Variants in HSPH1 observed in about 807,000 individuals in gnomAD.
The protein encoded by HSPH1 is heat shock protein family H (Hsp110) member 1.
HSPH1 carries 40 observed loss-of-function variants against 100.0 expected under a neutral mutation model. The observed-to-expected ratio is 0.40, with a 90% CI of 0.31 to 0.52. The LOEUF (loss-of-function observed/expected upper bound fraction) is 0.52. Ranked by LOEUF, HSPH1 falls within the 20% of genes least tolerant of loss-of-function variation. The pLI, the probability that HSPH1 is intolerant of heterozygous loss-of-function variation, is 0.54. For synonymous variants in HSPH1, 403 were observed against 344.0 expected, an observed-to-expected ratio of 1.17 and a Z score of -1.90; for missense variants, 876 against 1,015.1, an observed-to-expected ratio of 0.86 and a Z score of 1.86.
chr13:31,150,086 C>G lies in HSPH1; in HGVS notation c.1005G>C (p.Val335=). 1 of 1,613,780 alleles carries G rather than the reference C, an allele frequency of 6.2e-7. No homozygotes were observed. The highest frequency in any genetic ancestry group is 8.5e-7 in the Non-Finnish European group (1 of 1,179,728). Residue 335 remains valine, a synonymous_variant, in exon 8 of 18, where the codon GTG becomes GTC. Transcript: ENST00000320027. ...CGCCTCCAACAATCTCAACTGCACT[C>G]ACATCTTCTACTTTGAGATGAGTTT... ...LEQTHLKVED[V]SAVEIVGGAT...
rs376502175 is a variant in HSPH1, at chr13:31,141,489, AT to A, written c.1717-231del. 6.8e-3 allele frequency among the ~76,000 whole-genome samples: 1,032 copies of A among 152,058 alleles called. 11 individuals are homozygous for A. Among genetic ancestry groups the A allele is most frequent in the African/African-American group, 0.023 (965 of 41,492 alleles). On this transcript the variant is annotated intron_variant, in intron 12 of 17. Transcript: ENST00000320027. ...TCACTGGGATATTTTTCTCTTCTAT[AT>A]TGAACAATCTCTCCTGCTAAAGCTT...
Position 31,161,632 on chromosome 13 carries a change from G to C in HSPH1, c.-50C>G. On this transcript the variant is annotated 5_prime_UTR_variant, in exon 1 of 18. Transcript: ENST00000320027. ...CTCGGGTCTCGGTCTGCGTCCTCCG[G>C]CCCCCTGCCTGCTTCTCCTGCCGCC... 1.2e-6 allele frequency: 2 copies of C among 1,602,544 alleles called. No individual in the cohort carries two copies.
In HSPH1 at chr13:31,145,707, G is replaced by A; in HGVS notation, c.1440C>T (p.Val480=). 6.2e-7 allele frequency: 1 copy of A among 1,613,616 alleles called. No homozygotes were observed. The highest frequency in any genetic ancestry group is 8.5e-7 in the Non-Finnish European group (1 of 1,179,754). Residue 480 remains valine, a synonymous_variant, in exon 11 of 18, where the codon GTC becomes GTT. Coordinates refer to ENST00000320027, the MANE Select transcript of HSPH1 (RefSeq NM_006644.4). ...QKDGEKSRVK[V]KVRVNTHGIF... is the part of the protein sequence containing the mutation. ...TGCCATGGGTGTTGACTCGCACTTT[G>A]ACTTTTACTCTAGATTTTTCTCCAT...
intron 5 of HSPH1, 64 bp from the exon 6 acceptor site, chr13:31,151,806 T>C: frequency 7.0e-7 from 1 of 1,418,472 alleles, no homozygotes; most frequent in Non-Finnish European, 9.7e-7. Flanking sequence ...CACTGTTACA[T>C]AAAATTACAC....
chr13:31,142,025 G>A (rs900817580), intron 12 of HSPH1, among the ~76,000 whole-genome samples: 1 of 152,030 alleles, frequency 6.6e-6, no homozygotes, highest in African/African-American at 2.4e-5. Context: ...CCTTTGCTAT[G>A]CATTTCCATT....
intron 1 of HSPH1, among the ~76,000 whole-genome samples, chr13:31,160,375 C>G (rs1956853681): frequency 6.6e-6 from 1 of 152,218 alleles, no homozygotes; most frequent in African/African-American, 2.4e-5. Context: ...ATTTTCCACT[C>G]AACTTTCATA....
rs981140339 is a variant in HSPH1 at position 31,137,031 on chromosome 13, A to C, written c.*287T>G. 1.9e-6 allele frequency: 1 copy of C among 532,036 alleles called. No individual in the cohort carries two copies. Among genetic ancestry groups the C allele is most frequent in the Non-Finnish European group, 3.6e-6 (1 of 279,620 alleles). 33.0% of individuals were successfully genotyped at this position (532,036 alleles called of 1,614,324 possible). ...ACAAGCAGTACAGTTTTTTTTCTCC[A>C]AAAGACAAAAGTCAGTTTCATCCTC... On this transcript the variant is annotated 3_prime_UTR_variant, in exon 18 of 18. Transcript: ENST00000320027.
chr13:31,154,501 A>G (rs1374767166), intron 4 of HSPH1, 132 bp downstream of exon 4: 1 of 1,007,774 alleles, frequency 9.9e-7, no homozygotes, highest in East Asian at 2.5e-5. Context: ...GCTCTGGAAC[A>G]CATGTTAATA....
intron 4 of HSPH1, among the ~76,000 whole-genome samples, chr13:31,153,737 G>C (rs759073306): frequency 5.3e-5 from 8 of 151,568 alleles, no homozygotes; most frequent in African/African-American, 1.7e-4. Flanking sequence ...GCTTGAGAGA[G>C]AGACATGAGC....
At chr13:31,158,280 T>C (rs1001571399) in intron 2 of HSPH1, among the ~76,000 whole-genome samples, 2 of 152,090 alleles carry the variant, frequency 1.3e-5, no homozygotes, top group Non-Finnish European at 2.9e-5. Context: ...AGGCCAGGCG[T>C]AGGCTCACAC....
chr13:31,154,201 G>GTAACA (rs1956592440), intron 4 of HSPH1: 1 of 214,660 alleles, frequency 4.7e-6, no homozygotes, highest in African/African-American at 2.4e-5. Context: ...TCCACTGAAG[G>GTAACA]TAACAGGCTT....
Position 31,161,862 on chromosome 13 carries a change from T to C in HSPH1, c.-280A>G, listed in dbSNP as rs1228016531. 2.0e-6 allele frequency: 3 copies of C among 1,483,812 alleles called. No homozygotes were observed. Among genetic ancestry groups the C allele is most frequent in the East Asian group, 5.0e-5 (2 of 40,306 alleles). 91.9% of individuals were successfully genotyped at this position (1,483,812 alleles called of 1,614,324 possible). ...GCACCTCGGGTTGCCTGCCTCACTC[T>C]GCCGCGGCTCGCACACCGGCGCCGG... On this transcript the variant is annotated 5_prime_UTR_variant, in exon 1 of 18. Transcript: ENST00000320027.
intron 11 of HSPH1, 115 bp from the exon 12 acceptor site, chr13:31,144,038 G>T: frequency 1.1e-6 from 1 of 871,524 alleles, no homozygotes; most frequent in Non-Finnish European, 1.6e-6. Context: ...TAACAGGTGG[G>T]GAGAAAAGGT....
chr13:31,150,027 G>T lies in HSPH1; in HGVS notation c.1064C>A (p.Ala355Asp). The T allele has an allele frequency of 1.2e-6, 2 of 1,613,758 alleles. No individual in the cohort carries two copies. The highest frequency in any genetic ancestry group is 2.7e-5 in the African/African-American group (2 of 74,984). The part of the protein sequence containing the change: ...TRIPAVKERI[A>D]KFFGKDISTT... ...GCTAATATCTTTTCCAAAGAATTTGGCAATTCTTTCCTTCACAGCTGGAAT... is the reference window on the plus strand; with the variant it reads ...GCTAATATCTTTTCCAAAGAATTTGTCAATTCTTTCCTTCACAGCTGGAAT... The change falls in exon 8 of 18, where the codon GCC (alanine) becomes GAC (aspartate). Residue 355 changes from alanine to aspartate, a missense_variant. Coordinates refer to ENST00000320027, the MANE Select transcript of HSPH1 (RefSeq NM_006644.4).
chr13:31,143,938 C>A lies in HSPH1; in HGVS notation c.1585-15G>T. 1 of 1,577,950 alleles carries A rather than the reference C, an allele frequency of 6.3e-7. No homozygotes were observed. Among genetic ancestry groups the A allele is most frequent in the Non-Finnish European group, 8.6e-7 (1 of 1,161,378 alleles). ...TGGACATTTTTCTGAAATGAAAGCC[C>A]AGGCACAAAGGATGTAGAAAGCAGG... On this transcript the variant is annotated splice_polypyrimidine_tract_variant and intron_variant, in intron 11 of 17. Coordinates refer to ENST00000320027, the MANE Select transcript of HSPH1 (RefSeq NM_006644.4).
chr13:31,145,543 A>G lies in HSPH1; in HGVS notation c.1584+20T>C. 2 of 1,596,338 alleles carry G rather than the reference A, an allele frequency of 1.3e-6. No homozygotes were observed. Among genetic ancestry groups the G allele is most frequent in the South Asian group, 2.2e-5 (2 of 90,644 alleles). ...CTAAGTCAACTCTATTCAAACACAAAGGTTTATCCACAAACTTACATCAGT... is the reference window on the plus strand; with the variant it reads ...CTAAGTCAACTCTATTCAAACACAAGGGTTTATCCACAAACTTACATCAGT... On this transcript the variant is annotated intron_variant, in intron 11 of 17. Coordinates refer to ENST00000320027, the MANE Select transcript of HSPH1 (RefSeq NM_006644.4).
chr13:31,150,089 A>C lies in HSPH1; in HGVS notation c.1002T>G (p.Asp334Glu). Residue 334 changes from aspartate (D) to glutamate (E), a missense_variant, in exon 8 of 18, where the codon GAT becomes GAG. Physicochemically the swap from Asp to Glu is conservative, Grantham distance 45. Coordinates refer to ENST00000320027, the MANE Select transcript of HSPH1 (RefSeq NM_006644.4). ...LLEQTHLKVE[D>E]VSAVEIVGGA... ...CTCCAACAATCTCAACTGCACTCAC[A>C]TCTTCTACTTTGAGATGAGTTTGTT... The C allele has an allele frequency of 6.2e-7, 1 of 1,613,766 alleles. No homozygotes were observed. Among genetic ancestry groups the C allele is most frequent in the Non-Finnish European group, 8.5e-7 (1 of 1,179,736 alleles).
chr13:31,135,532 C>T lies in HSPH1; in HGVS notation c.*1786G>A, dbSNP rs1032622222. 2.0e-5 allele frequency: 3 copies of T among 152,186 alleles called. No individual in the cohort carries two copies. Among genetic ancestry groups the T allele is most frequent in the Admixed American group, 2.0e-4 (3 of 15,284 alleles). 9.4% of individuals were successfully genotyped at this position (152,186 alleles called of 1,614,324 possible). A position where few individuals can be genotyped will look rare whatever the true frequency, so the allele number is the denominator to read the frequency against. ...CTGACATAAAGATTCTTAGTAAGAACATTTTACATTCCAATATTACAAATG... is the reference window on the plus strand; with the variant it reads ...CTGACATAAAGATTCTTAGTAAGAATATTTTACATTCCAATATTACAAATG... On this transcript the variant is annotated 3_prime_UTR_variant, in exon 18 of 18. Coordinates refer to ENST00000320027, the MANE Select transcript of HSPH1 (RefSeq NM_006644.4).
At chr13:31,149,195 A>G (rs1178130374) in intron 8 of HSPH1, among the ~76,000 whole-genome samples, 1 of 152,140 alleles carries the variant, frequency 6.6e-6, no homozygotes, top group Non-Finnish European at 1.5e-5. Flanking sequence ...AAAACCCCAT[A>G]GAACAGGATG....
Sources: gnomAD v4.1 joint callset for allele counts (sites outside exome capture counted in the v4.1 genomes callset) on GRCh38, gnomAD v4.1.1 for gene constraint, MANE v1.5 for transcripts, NCBI Gene and HGNC (gene_info 2026-07-23, HGNC 2026-07-21) for gene names.